PPP1R13L: variants seen among roughly 807,000 people sequenced by gnomAD.
PPP1R13L encodes the protein relA-associated inhibitor.
Under a neutral mutation model 80.9 loss-of-function variants are expected in PPP1R13L, and 50 were observed. The observed-to-expected ratio is 0.62, with a 90% CI of 0.49 to 0.78. PPP1R13L has a LOEUF of 0.78. Among genes scored for constraint, PPP1R13L ranks in the 30% least tolerant of loss-of-function variants. The probability of loss-of-function intolerance (pLI) is 0.00; values close to 1 mark genes in which losing one functional copy is unlikely to be tolerated. For synonymous variants in PPP1R13L, 602 were observed against 534.3 expected, an observed-to-expected ratio of 1.13 and a Z score of -1.75; for missense variants, 1,200 against 1,205.9, an observed-to-expected ratio of 1.00 and a Z score of 0.07.
At chr19:45,405,648 C>T (rs1279479328), upstream of PPP1R13L, among the ~76,000 whole-genome samples, 1 of 152,262 alleles carries the variant, frequency 6.6e-6, no homozygotes, top group Non-Finnish European at 1.5e-5. Flanking sequence ...AACATTTCCC[C>T]TTCCCCTTGA....
intron 8 of PPP1R13L, among the ~76,000 whole-genome samples, chr19:45,390,613 C>T (rs1972952307): frequency 1.3e-5 from 2 of 152,118 alleles, no homozygotes; most frequent in Non-Finnish European, 2.9e-5. Flanking sequence ...ATTTCTTTTT[C>T]GGGGAGCTCG....
rs762658890 is a variant in PPP1R13L, at chr19:45,395,621, G to C, written c.1169C>G (p.Ala390Gly). Reference sequence around the variant, plus strand: ...GAAGAGGGGGGACCCAGGGAGCATGGCGCGGCTGGCCCCGTGCTCCCAGAA... The same window carrying C: ...GAAGAGGGGGGACCCAGGGAGCATGCCGCGGCTGGCCCCGTGCTCCCAGAA... Reference protein sequence around the residue: ...NAFWEHGASRAMLPGSPLFTR... With the variant: ...NAFWEHGASRGMLPGSPLFTR... The change falls in exon 7 of 13, where the codon GCC (alanine) becomes GGC (glycine). Residue 390 changes from alanine (A) to glycine (G), a missense_variant. Ala to Gly is a moderately conservative substitution (Grantham distance 60). Coordinates refer to ENST00000360957, the MANE Select transcript of PPP1R13L (RefSeq NM_006663.4). 6 of 1,477,122 alleles carry C rather than the reference G, an allele frequency of 4.1e-6. No homozygotes were observed. The East Asian group carries it at 1.4e-4, about 35-fold the overall frequency. The allele number at this position is 1,477,122 out of a possible 1,614,324, so 91.5% of individuals were successfully genotyped here.
chr19:45,404,107 G>C (rs556607139), intron 1 of PPP1R13L, among the ~76,000 whole-genome samples: 17 of 152,216 alleles, frequency 1.1e-4, no homozygotes, highest in Non-Finnish European at 2.2e-4. Flanking sequence ...AGAAGGAGGA[G>C]GCAGAATCCT....
chr19:45,389,521 T>C (rs34435698), intron 8 of PPP1R13L, among the ~76,000 whole-genome samples: 2,297 of 152,196 alleles, frequency 0.015, 64 homozygotes, highest in African/African-American at 0.052. Context: ...TTAATGTATT[T>C]AATCTTGGCG....
chr19:45,389,064 C>A (rs1456099404), intron 8 of PPP1R13L, among the ~76,000 whole-genome samples: 2 of 152,098 alleles, frequency 1.3e-5, no homozygotes, highest in Non-Finnish European at 2.9e-5. Context: ...AGATCGTGTT[C>A]AAACCTTTAA....
chr19:45,401,347 T>C (rs1253208992), intron 1 of PPP1R13L, among the ~76,000 whole-genome samples: 2 of 111,568 alleles, frequency 1.8e-5, no homozygotes, highest in African/African-American at 8.4e-5. Context: ...AGAGCGAGAC[T>C]CCGTCCCAAA....
intron 8 of PPP1R13L, among the ~76,000 whole-genome samples, chr19:45,388,412 G>GAAA (rs1568555832): frequency 5.3e-4 from 81 of 151,536 alleles, no homozygotes; most frequent in African/African-American, 1.9e-3. Context: ...TGTCTCTACT[G>GAAA]AAAATGTTAA....
intron 7 of PPP1R13L, chr19:45,394,727 C>T (rs921639081): frequency 6.6e-6 from 1 of 151,178 alleles, no homozygotes; most frequent in Non-Finnish European, 1.5e-5. Flanking sequence ...CCCACCTCGG[C>T]CTCCCAAAGT....
Position 45,385,943 on chromosome 19 carries a change from G to T in PPP1R13L, c.1962C>A (p.Ser654Arg), listed in dbSNP as rs758118252. Residue 654 changes from serine (S) to arginine (R), a missense_variant, in exon 10 of 13, where the codon AGC becomes AGA. Coordinates refer to ENST00000360957, the MANE Select transcript of PPP1R13L (RefSeq NM_006663.4). ...QQAVKEMNDP[S>R]QPNEEGITAL... ...CAGTGATGCCCTCCTCGTTGGGCTG[G>T]CTCGGGTCGTTCATCTGAGTGCACC... 1 of 1,611,862 alleles carries T rather than the reference G, an allele frequency of 6.2e-7. No homozygotes were observed. Among genetic ancestry groups the T allele is most frequent in the South Asian group, 1.1e-5 (1 of 90,786 alleles).
intron 12 of PPP1R13L, 78 bp from the exon 13 acceptor site, chr19:45,380,306 T>C (rs986519642): frequency 3.9e-6 from 6 of 1,549,182 alleles, no homozygotes; most frequent in African/African-American, 1.4e-5. Context: ...CCTGTCTCTA[T>C]CCTCCCACCC....
At chr19:45,403,687 A>T (rs540575066) in intron 1 of PPP1R13L, among the ~76,000 whole-genome samples, 91 of 152,304 alleles carry the variant, frequency 6.0e-4, no homozygotes, top group African/African-American at 2.1e-3. Flanking sequence ...TGAGCTTGGT[A>T]CACCCAGAGC....
chr19:45,398,280 C>A lies in PPP1R13L; in HGVS notation c.39G>T (p.Leu13=). The change falls in exon 2 of 13, where the codon CTG becomes CTT. Residue 13 remains leucine, a synonymous_variant. Transcript: ENST00000360957. ...SEAFQSARDF[L]DMNFQSLAMK... ...CCAGCTTACACTGGAAGTTCATGTC[C>A]AGAAAGTCCCGCGCGCTCTGGAATG... 1 of 1,613,956 alleles carries A rather than the reference C, an allele frequency of 6.2e-7. No homozygotes were observed. Among genetic ancestry groups the A allele is most frequent in the Non-Finnish European group, 8.5e-7 (1 of 1,179,936 alleles).
chr19:45,383,666 C>T (rs1484400122), intron 11 of PPP1R13L, among the ~76,000 whole-genome samples: 1 of 152,208 alleles, frequency 6.6e-6, no homozygotes, highest in Non-Finnish European at 1.5e-5. Flanking sequence ...CCTACCCTGG[C>T]GCTTAGCTTA....
At chr19:45,384,515 G>C (rs1972829603) in intron 11 of PPP1R13L, among the ~76,000 whole-genome samples, 1 of 151,910 alleles carries the variant, frequency 6.6e-6, no homozygotes, top group Middle Eastern at 3.4e-3. Context: ...CTGGGTGACA[G>C]AGCAAGACTC....
rs1457176548 is a variant in PPP1R13L, at chr19:45,392,267, A to G, written c.1428T>C (p.Ala476=). The change falls in exon 8 of 13, where the codon GCT becomes GCC. Residue 476 remains alanine (A), a synonymous_variant. Transcript: ENST00000360957. Reference sequence around the variant, plus strand: ...CTACAGGGCCTTCATCCACATCGCCAGCCTCCAGCACTGGTGTCAGCAGCC... The same window carrying G: ...CTACAGGGCCTTCATCCACATCGCCGGCCTCCAGCACTGGTGTCAGCAGCC... ...IEGLLTPVLE[A]GDVDEGPVAR... 6.2e-7 allele frequency: 1 copy of G among 1,613,490 alleles called. No individual in the cohort carries two copies. Among genetic ancestry groups the G allele is most frequent in the Non-Finnish European group, 8.5e-7 (1 of 1,179,964 alleles).
chr19:45,404,192 GC>G (rs1403151388), intron 1 of PPP1R13L, among the ~76,000 whole-genome samples: 1 of 152,138 alleles, frequency 6.6e-6, no homozygotes, highest in African/African-American at 2.4e-5. Flanking sequence ...ATGGTTAAAT[GC>G]CCGGCTATGC....
chr19:45,395,771 C>T lies in PPP1R13L; in HGVS notation c.1019G>A (p.Gly340Asp), dbSNP rs1457077293. 6.4e-7 allele frequency: 1 copy of T among 1,553,960 alleles called. No individual in the cohort carries two copies. The highest frequency in any genetic ancestry group is 8.7e-7 in the Non-Finnish European group (1 of 1,154,696). Residue 340 changes from glycine to aspartate, a missense_variant, in exon 7 of 13, where the codon GGC (glycine) becomes GAC (aspartate). By Grantham distance (94) the Gly-to-Asp change is moderately conservative. Coordinates refer to ENST00000360957, the MANE Select transcript of PPP1R13L (RefSeq NM_006663.4). The stretch of plus-strand genomic sequence containing the variant: ...GGGCTGCCAGCTGCGAGGCAAAGTG[C>T]CCGACGGCCCCGCGGAGCCCAGCGA... ...RRSLGSAGPSGTLPRSWQPVS... is the reference protein window; with the variant it reads ...RRSLGSAGPSDTLPRSWQPVS...
chr19:45,386,631 CTT>C (rs34881055), intron 8 of PPP1R13L, among the ~76,000 whole-genome samples: 21,428 of 133,038 alleles, frequency 0.16, 1,453 homozygotes, highest in Middle Eastern at 0.27. Flanking sequence ...TTCTTTTTCT[CTT>C]TTTTTTTTTT....
At position 45,396,294 on chromosome 19, in the gene PPP1R13L, GC is replaced by G. The variant is rs780943149; in HGVS notation, c.812-36del. ...GGGAATCATTAGGGTCTGTGGGGCT[GC>G]CTCTCCTCCGGGTCCTCCATTCCCC... On this transcript the variant is annotated intron_variant, in intron 5 of 12. Coordinates refer to ENST00000360957, the MANE Select transcript of PPP1R13L (RefSeq NM_006663.4). This position sits in a 1 kb window ranked among gnomAD's most constrained non-coding sequence, Gnocchi z 5.3. The G allele has an allele frequency of 1.1e-4, 174 of 1,613,416 alleles. No individual in the cohort carries two copies. The highest frequency in any genetic ancestry group is 1.4e-4 in the Non-Finnish European group (167 of 1,179,948).
Sources: gnomAD v4.1 joint callset for allele counts (sites outside exome capture counted in the v4.1 genomes callset) on GRCh38, gnomAD v4.1.1 for gene constraint, Gnocchi (gnomAD v3.1) non-coding constraint, MANE v1.5 for transcripts, NCBI Gene and HGNC (gene_info 2026-07-23, HGNC 2026-07-21) for gene names.